The following DLG2 variants were observed in gnomAD, a reference collection of about 807,000 sequenced individuals.
DLG2 encodes the protein disks large homolog 2.
A neutral mutation model predicts 132.5 loss-of-function variants in DLG2; 45 were observed. The ratio of observed to expected loss-of-function variants is 0.34; its 90% CI spans 0.27 to 0.44. The LOEUF (loss-of-function observed/expected upper bound fraction) is 0.44. Ranked by LOEUF, DLG2 falls within the 20% of genes least tolerant of loss-of-function variation. DLG2 has a pLI of 1.00. For missense variants in DLG2, 1,045 were observed against 1,196.9 expected (o/e 0.87, Z 1.87); for synonymous variants, 424 against 419.6 (o/e 1.01, Z -0.13).
At chr11:84,491,870 G>A (rs931800760) in intron 7 of DLG2, among the ~76,000 whole-genome samples, 3 of 151,966 alleles carry the variant, frequency 2.0e-5, no homozygotes, top group East Asian at 1.9e-4. Context: ...GGTGTGGCCC[G>A]GTCATTGATT....
intron 7 of DLG2, among the ~76,000 whole-genome samples, chr11:84,290,606 G>C (rs2097978685): frequency 6.6e-6 from 1 of 152,090 alleles, no homozygotes; most frequent in Non-Finnish European, 1.5e-5. Context: ...AATTCTTCAT[G>C]TACTAGGTCT....
intron 3 of DLG2, among the ~76,000 whole-genome samples, chr11:85,309,738 T>C (rs2080194447): frequency 6.6e-6 from 1 of 152,162 alleles, no homozygotes; most frequent in Admixed American, 6.5e-5. Context: ...TTACATGTAC[T>C]GTTCTCTCCA....
At chr11:83,879,966 G>T (rs892482588) in intron 15 of DLG2, among the ~76,000 whole-genome samples, 2 of 152,166 alleles carry the variant, frequency 1.3e-5, no homozygotes, top group African/African-American at 4.8e-5. Context: ...TATTTTAAAG[G>T]ATGGTGAAGG....
chr11:84,376,003 G>A (rs888551269), intron 7 of DLG2, among the ~76,000 whole-genome samples: 16 of 151,828 alleles, frequency 1.1e-4, no homozygotes, highest in African/African-American at 3.9e-4. Context: ...ATTGTACTAT[G>A]TTGATGTCTT....
At chr11:83,544,499 C>G (rs1191031765) in intron 19 of DLG2, among the ~76,000 whole-genome samples, 9 of 152,018 alleles carry the variant, frequency 5.9e-5, no homozygotes, top group Admixed American at 4.6e-4. Flanking sequence ...CTGACTAACT[C>G]CAGAATATAT....
At chr11:84,245,053 C>T (rs2097284633) in intron 8 of DLG2, among the ~76,000 whole-genome samples, 1 of 152,220 alleles carries the variant, frequency 6.6e-6, no homozygotes, top group Admixed American at 6.5e-5. Flanking sequence ...TTGTCCTCAG[C>T]TTCCTGATGC....
chr11:85,339,234 C>T (rs1341847618), intron 3 of DLG2, among the ~76,000 whole-genome samples: 2 of 152,070 alleles, frequency 1.3e-5, no homozygotes, highest in Non-Finnish European at 1.5e-5. Flanking sequence ...GTGGATTTGC[C>T]ATAGCTTATG....
intron 18 of DLG2, chr11:83,652,033 C>A (rs1330528526): frequency 1.4e-5 from 4 of 296,056 alleles, no homozygotes; most frequent in Admixed American, 3.9e-5. Flanking sequence ...GAATTCACAG[C>A]AGAAAAGAGA....
At chr11:84,225,058 C>T (rs1196925893) in intron 8 of DLG2, among the ~76,000 whole-genome samples, 2 of 152,150 alleles carry the variant, frequency 1.3e-5, no homozygotes, top group East Asian at 1.9e-4. Context: ...AGTTACCATA[C>T]TAAGTTTTGT....
chr11:84,409,228 CA>C (rs1239804764), intron 7 of DLG2, among the ~76,000 whole-genome samples: 1 of 152,200 alleles, frequency 6.6e-6, no homozygotes. Flanking sequence ...GCATGATTAA[CA>C]GACCAGCCAT....
chr11:83,662,064 A>AT (rs1329765948), intron 18 of DLG2, among the ~76,000 whole-genome samples: 1 of 151,336 alleles, frequency 6.6e-6, no homozygotes, highest in Non-Finnish European at 1.5e-5. Flanking sequence ...TTAAATACCA[A>AT]TTTTTTTGGT....
intron 17 of DLG2, among the ~76,000 whole-genome samples, chr11:83,812,843 T>G (rs922670739): frequency 2.0e-5 from 3 of 152,144 alleles, no homozygotes; most frequent in African/African-American, 7.2e-5. Flanking sequence ...TGGCAGGAGT[T>G]GCACAATGTT....
chr11:83,931,266 T>C (rs2080161529), intron 14 of DLG2, among the ~76,000 whole-genome samples: 2 of 152,224 alleles, frequency 1.3e-5, no homozygotes, highest in South Asian at 4.1e-4. Flanking sequence ...TTTCTGCATC[T>C]TAATTTGAAA....
At chr11:84,726,583 T>C (rs748508766) in intron 6 of DLG2, among the ~76,000 whole-genome samples, 1 of 152,174 alleles carries the variant, frequency 6.6e-6, no homozygotes, top group Non-Finnish European at 1.5e-5. Flanking sequence ...TGCGTGTGTA[T>C]GTGTCTTTAT....
chr11:85,164,526 G>C (rs2078283461), intron 4 of DLG2, among the ~76,000 whole-genome samples: 1 of 152,020 alleles, frequency 6.6e-6, no homozygotes, highest in Non-Finnish European at 1.5e-5. Context: ...TGCTCTCATA[G>C]AAATAGTAAA....
intron 6 of DLG2, among the ~76,000 whole-genome samples, chr11:84,924,836 C>T (rs1488250754): frequency 6.6e-6 from 1 of 152,152 alleles, no homozygotes; most frequent in Non-Finnish European, 1.5e-5. Context: ...ACAACACAAC[C>T]AGTGACTTCC....
chr11:85,248,089 T>G (rs2076225045), intron 4 of DLG2, among the ~76,000 whole-genome samples: 1 of 152,106 alleles, frequency 6.6e-6, no homozygotes, highest in Non-Finnish European at 1.5e-5. Context: ...ACTCATTATC[T>G]ATTATATCTG....
chr11:85,427,968 G>A (rs1349725298), intron 3 of DLG2, among the ~76,000 whole-genome samples: 5 of 152,092 alleles, frequency 3.3e-5, no homozygotes, highest in Admixed American at 2.0e-4. Flanking sequence ...AAAGGCAGAG[G>A]TTGCAATCCT....
At chr11:83,586,016 G>A (rs2097079007) in intron 19 of DLG2, among the ~76,000 whole-genome samples, 1 of 152,210 alleles carries the variant, frequency 6.6e-6, no homozygotes. Flanking sequence ...AAACCAGAAA[G>A]GACTCTTCAA....
Sources: allele counts gnomAD v4.1 joint callset (sites outside exome capture counted in the v4.1 genomes callset), GRCh38; gene constraint gnomAD v4.1.1; transcripts MANE v1.5; gene names NCBI Gene and HGNC (gene_info 2026-07-23, HGNC 2026-07-21).